Variants in NPIPB2 observed in about 807,000 individuals in gnomAD.
The protein encoded by NPIPB2 is nuclear pore complex-interacting protein family member B2.
NPIPB2 carries 27 observed loss-of-function variants against 30.8 expected under a neutral mutation model. The observed-to-expected ratio is 0.88, with a 90% CI of 0.65 to 1.21. NPIPB2 has a LOEUF of 1.21. Ranked by LOEUF, NPIPB2 falls within the 50% of genes most tolerant of loss-of-function variation. The pLI is 0.00. For missense variants in NPIPB2, 440 were observed against 446.2 expected, an observed-to-expected ratio of 0.99 and a Z score of 0.13; for synonymous variants, 147 against 162.0, an observed-to-expected ratio of 0.91 and a Z score of 0.70.
At chr16:11,935,145 A>ACGTT (rs2054848356) in intron 2 of NPIPB2, among the ~76,000 whole-genome samples, 1 of 143,260 alleles carries the variant, frequency 7.0e-6, no homozygotes, top group African/African-American at 2.6e-5. Flanking sequence ...GTTTGAACTT[A>ACGTT]ACGCAAAACA....
chr16:11,957,044 T>A (rs1215169642), intron 1 of NPIPB2, among the ~76,000 whole-genome samples: 1 of 152,062 alleles, frequency 6.6e-6, no homozygotes, highest in Non-Finnish European at 1.5e-5. Flanking sequence ...GAGGCTGGAG[T>A]GCATTGGTGC....
chr16:11,966,446 C>G (rs373870798), intron 1 of NPIPB2: 2 of 1,180,244 alleles, frequency 1.7e-6, no homozygotes, highest in Non-Finnish European at 2.4e-6. Flanking sequence ...TCGTTACAGC[C>G]CTTTCGAATG....
At chr16:11,942,414 C>G (rs1181127342), upstream of NPIPB2, among the ~76,000 whole-genome samples, 1 of 149,674 alleles carries the variant, frequency 6.7e-6, no homozygotes, top group East Asian at 1.9e-4. Context: ...AATAAAATGT[C>G]TCCCTCTGGC....
In NPIPB2 at chr16:11,965,493, AC is replaced by A. The variant is rs1253155245; in HGVS notation, c.-584+11074del. 1.9e-6 allele frequency: 3 copies of A among 1,607,556 alleles called. No homozygotes were observed. The African/African-American group carries it at 4.0e-5, about 21-fold the overall frequency. On this transcript the variant is annotated intron_variant, in intron 1 of 5. Coordinates refer to the NPIPB2 transcript ENST00000538896. ...CTTGAACGATTATTCATTGGTGTGA[AC>A]TATTCTGTCTATATGGACTGCTTAT...
chr16:11,960,204 A>G (rs185590262), intron 1 of NPIPB2, among the ~76,000 whole-genome samples: 21 of 152,280 alleles, frequency 1.4e-4, no homozygotes, highest in Non-Finnish European at 2.1e-4. Flanking sequence ...CTAGGCTCTT[A>G]TGAATAGATG....
chr16:11,957,427 T>C (rs2055121041), intron 1 of NPIPB2, among the ~76,000 whole-genome samples: 1 of 151,980 alleles, frequency 6.6e-6, no homozygotes, highest in African/African-American at 2.4e-5. Context: ...CCTCCCAAAG[T>C]GCTGGGACCT....
chr16:11,967,769 G>T, intron 1 of NPIPB2: 1 of 1,614,096 alleles, frequency 6.2e-7, no homozygotes, highest in Non-Finnish European at 8.5e-7. Flanking sequence ...TTGTCACCAC[G>T]AAAACGAATG....
chr16:11,945,442 G>C (rs548136789), upstream of NPIPB2, among the ~76,000 whole-genome samples: 1 of 151,972 alleles, frequency 6.6e-6, no homozygotes, highest in East Asian at 1.9e-4. Context: ...GGGAGGCTGG[G>C]GTGGGTGGAT....
chr16:11,944,590 CT>C (rs371443309), upstream of NPIPB2, among the ~76,000 whole-genome samples: 3,619 of 150,982 alleles, frequency 0.024, 48 homozygotes, highest in Middle Eastern at 0.046. Context: ...TGGCAAAACC[CT>C]GTCTCTACTA....
intron 1 of NPIPB2, among the ~76,000 whole-genome samples, chr16:11,947,385 C>CGAG (rs2055022514): frequency 6.7e-6 from 1 of 150,102 alleles, no homozygotes; most frequent in Non-Finnish European, 1.5e-5. Flanking sequence ...CGCTCTGTCG[C>CGAG]CCAGGCTGGA....
chr16:11,969,602 C>G (rs1459823808), intron 1 of NPIPB2, among the ~76,000 whole-genome samples: 1 of 152,174 alleles, frequency 6.6e-6, no homozygotes, highest in Non-Finnish European at 1.5e-5. Context: ...CTTCTGCAAA[C>G]AGGAGAAGCC....
chr16:11,953,231 C>T (rs78056338), intron 1 of NPIPB2, among the ~76,000 whole-genome samples: 5 of 152,030 alleles, frequency 3.3e-5, no homozygotes, highest in Non-Finnish European at 7.4e-5. Context: ...CTGCAACCTC[C>T]GCTTCCTGGG....
chr16:11,975,216 C>T lies in NPIPB2; in HGVS notation c.-584+1352G>A, dbSNP rs1305580394. Among the ~76,000 whole-genome samples, 203 of 88,178 alleles carry T rather than the reference C, an allele frequency of 2.3e-3. 2 individuals are homozygous for T. In the Admixed American group the frequency reaches 0.03, roughly 13 times the overall value. 57.8% of individuals were successfully genotyped at this position (88,178 alleles called of 152,430 possible). A position where few individuals can be genotyped will look rare whatever the true frequency, so the allele number is the denominator to read the frequency against. On this transcript the variant is annotated intron_variant, in intron 1 of 5. Transcript: ENST00000538896. Reference sequence around the variant, plus strand: ...AGGCTGGAGTGCAGTGGCGGGATCTCGGCTCACTGCAAGCTCCGCCTCCCG... The same window carrying T: ...AGGCTGGAGTGCAGTGGCGGGATCTTGGCTCACTGCAAGCTCCGCCTCCCG...
intron 3 of NPIPB2, 47 bp from the exon 4 acceptor site, chr16:11,933,759 A>G: frequency 6.3e-7 from 1 of 1,595,912 alleles, no homozygotes; most frequent in South Asian, 1.1e-5. Context: ...TGAGGGCAAG[A>G]AGCTGTTCTT....
upstream of NPIPB2, among the ~76,000 whole-genome samples, chr16:11,946,467 T>C (rs1450505562): frequency 6.6e-6 from 1 of 150,902 alleles, no homozygotes; most frequent in Non-Finnish European, 1.5e-5. Flanking sequence ...CTAAGGAGGC[T>C]GAGGCTGAGG....
intron 1 of NPIPB2, among the ~76,000 whole-genome samples, chr16:11,940,126 G>A (rs144978062): frequency 0.046 from 2,931 of 63,602 alleles, 601 homozygotes; most frequent in African/African-American, 0.099. Flanking sequence ...CGAGGCAGGC[G>A]GATCACCTGA....
At chr16:11,946,669 G>A (rs1290382852), upstream of NPIPB2, among the ~76,000 whole-genome samples, 1 of 152,102 alleles carries the variant, frequency 6.6e-6, no homozygotes, top group Non-Finnish European at 1.5e-5. Context: ...TGGAGAAACA[G>A]AAACTCTCCC....
At chr16:11,958,830 T>C (rs781042262) in intron 1 of NPIPB2, among the ~76,000 whole-genome samples, 6 of 152,210 alleles carry the variant, frequency 3.9e-5, no homozygotes, top group Non-Finnish European at 8.8e-5. Flanking sequence ...GGAGCTGAGC[T>C]ACCATGGGTG....
intron 1 of NPIPB2, chr16:11,965,286 C>T (rs1275129923): frequency 6.2e-7 from 1 of 1,612,588 alleles, no homozygotes; most frequent in African/African-American, 1.3e-5. Flanking sequence ...TCCTTCCAGG[C>T]TGTTCTTTCT....
Sources: gnomAD v4.1 joint callset for allele counts (sites outside exome capture counted in the v4.1 genomes callset) on GRCh38, gnomAD v4.1.1 for gene constraint, MANE v1.5 for transcripts, NCBI Gene and HGNC (gene_info 2026-07-23, HGNC 2026-07-21) for gene names.